Variants in RBX1 observed in about 807,000 individuals in gnomAD.
The protein encoded by RBX1 is E3 ubiquitin-protein ligase RBX1.
For synonymous variants in RBX1, 48 were observed against 47.9 expected, an observed-to-expected ratio of 1.00 and a Z score of -0.01; for missense variants, 46 against 141.4, an observed-to-expected ratio of 0.33 and a Z score of 3.42.
Position 40,951,436 on chromosome 22 carries a change from C to A in RBX1, c.38C>A (p.Thr13Asn). The change falls in exon 1 of 5, where the codon ACC becomes AAC. Residue 13 changes from threonine to asparagine, a missense_variant. Physicochemically the swap from Thr to Asn is moderately conservative, Grantham distance 65. Coordinates refer to ENST00000216225, the MANE Select transcript of RBX1 (RefSeq NM_014248.4). ...AAMDVDTPSG[T>N]NSGAGKKRFE... The stretch of plus-strand genomic sequence containing the variant: ...ATGGATGTGGATACCCCGAGCGGCA[C>A]CAACAGCGGCGCGGGCAAGAAGCGC... 1 of 1,613,698 alleles carries A rather than the reference C, an allele frequency of 6.2e-7. No individual in the cohort carries two copies.
chr22:40,957,362 T>G (rs1036145940), intron 2 of RBX1, among the ~76,000 whole-genome samples: 3 of 151,248 alleles, frequency 2.0e-5, no homozygotes, highest in Non-Finnish European at 4.4e-5. Context: ...AAAGACACTC[T>G]TGGCCAGGTG....
At chr22:40,965,452 T>G (rs189017575) in intron 3 of RBX1, among the ~76,000 whole-genome samples, 25 of 151,844 alleles carry the variant, frequency 1.6e-4, no homozygotes, top group Admixed American at 1.6e-3. Context: ...TTTTTTGTTT[T>G]TTTTTTGAGA....
At chr22:40,965,827 G>A (rs922467787) in intron 3 of RBX1, among the ~76,000 whole-genome samples, 2 of 152,158 alleles carry the variant, frequency 1.3e-5, no homozygotes, top group African/African-American at 2.4e-5. Flanking sequence ...GGCCATGGGG[G>A]AGCTTTAATC....
intron 4 of RBX1, among the ~76,000 whole-genome samples, chr22:40,971,267 C>T (rs977303708): frequency 1.3e-5 from 2 of 152,148 alleles, no homozygotes; most frequent in African/African-American, 4.8e-5. Flanking sequence ...AAAACAAATT[C>T]TTCAGCTTTC....
rs1026103804 is a variant in RBX1, at chr22:40,964,586, G to C, written c.228+469G>C. On this transcript the variant is annotated intron_variant, in intron 3 of 4. Coordinates refer to ENST00000216225, the MANE Select transcript of RBX1 (RefSeq NM_014248.4). ...TTATTTTTTAACATGGCTTATGCCA[G>C]AAATGTTTTGTGTAGCTTTATTGGA... Among the ~76,000 whole-genome samples the C allele has an allele frequency of 2.0e-5, 3 of 152,242 alleles. No homozygotes were observed. The East Asian group carries it at 5.8e-4, about 29-fold the overall frequency.
intron 3 of RBX1, among the ~76,000 whole-genome samples, chr22:40,965,467 G>A (rs1388443012): frequency 6.7e-6 from 1 of 148,748 alleles, no homozygotes; most frequent in African/African-American, 2.5e-5. Flanking sequence ...TTGAGACGGA[G>A]TCTCACTATG....
chr22:40,964,849 T>C (rs1405022958), intron 3 of RBX1, among the ~76,000 whole-genome samples: 1 of 152,196 alleles, frequency 6.6e-6, no homozygotes, highest in Non-Finnish European at 1.5e-5. Flanking sequence ...ACTTACTTGC[T>C]AAGTGACGTT....
intron 3 of RBX1, among the ~76,000 whole-genome samples, chr22:40,965,295 T>G (rs1208475653): frequency 6.6e-6 from 1 of 151,118 alleles, no homozygotes; most frequent in Non-Finnish European, 1.5e-5. Context: ...AAAGTGAGAC[T>G]CTGTCTCAAA....
chr22:40,960,007 A>G (rs2058335610), intron 2 of RBX1, among the ~76,000 whole-genome samples: 1 of 152,052 alleles, frequency 6.6e-6, no homozygotes, highest in Non-Finnish European at 1.5e-5. Flanking sequence ...AATCCCTGCT[A>G]CTTGGGAGGC....
intron 3 of RBX1, among the ~76,000 whole-genome samples, chr22:40,965,096 A>G (rs2058350599): frequency 6.6e-6 from 1 of 152,156 alleles, no homozygotes; most frequent in African/African-American, 2.4e-5. Flanking sequence ...TGAGGTCAGC[A>G]GATGGAGACA....
At chr22:40,970,599 T>C (rs1347355155) in intron 4 of RBX1, among the ~76,000 whole-genome samples, 2 of 152,218 alleles carry the variant, frequency 1.3e-5, no homozygotes, top group Non-Finnish European at 2.9e-5. Flanking sequence ...TTTATATCTC[T>C]TACGCTTTTC....
intron 3 of RBX1, chr22:40,966,469 A>C (rs1165139430): frequency 1.3e-5 from 2 of 152,194 alleles, no homozygotes; most frequent in Non-Finnish European, 2.9e-5. Flanking sequence ...CCTGATGGTT[A>C]AGAAAAATGT....
chr22:40,964,375 A>G, intron 3 of RBX1: 2 of 344,550 alleles, frequency 5.8e-6, no homozygotes, highest in South Asian at 3.4e-5. Flanking sequence ...TTGGGGCTTC[A>G]TCTATGGGAA....
At chr22:40,954,007 C>T (rs1025377748) in intron 2 of RBX1, among the ~76,000 whole-genome samples, 3 of 152,148 alleles carry the variant, frequency 2.0e-5, no homozygotes, top group Non-Finnish European at 4.4e-5. Flanking sequence ...CGCAGTGGCT[C>T]ATGCTTGTAA....
intron 2 of RBX1, among the ~76,000 whole-genome samples, chr22:40,962,841 C>T (rs1001902526): frequency 1.3e-5 from 2 of 150,882 alleles, no homozygotes; most frequent in African/African-American, 2.4e-5. Flanking sequence ...TACAGGCACC[C>T]GCCACCACGC....
At chr22:40,956,718 G>A (rs759572002) in intron 2 of RBX1, among the ~76,000 whole-genome samples, 31 of 149,856 alleles carry the variant, frequency 2.1e-4, no homozygotes, top group Non-Finnish European at 3.6e-4. Context: ...CACCATGTCC[G>A]ACCTCAAGTC....
chr22:40,963,438 C>A (rs1331608836), intron 2 of RBX1, among the ~76,000 whole-genome samples: 1 of 151,896 alleles, frequency 6.6e-6, no homozygotes, highest in Non-Finnish European at 1.5e-5. Flanking sequence ...GAGTTTGAGA[C>A]CAGCCTGGCC....
intron 4 of RBX1, among the ~76,000 whole-genome samples, chr22:40,970,231 A>C (rs2058365302): frequency 6.6e-6 from 1 of 151,732 alleles, no homozygotes; most frequent in African/African-American, 2.4e-5. Flanking sequence ...TGGTGCCTAT[A>C]ATCCCAGCTA....
At position 40,967,782 on chromosome 22, in the gene RBX1, T is replaced by G; in HGVS notation, c.229-17T>G. The stretch of plus-strand genomic sequence containing the variant: ...CTGCATAGAGTTATTTTTAATAAAA[T>G]ATATGTTTTCTTTCAGCATGCTTTT... On this transcript the variant is annotated splice_polypyrimidine_tract_variant and intron_variant, in intron 3 of 4. Coordinates refer to ENST00000216225, the MANE Select transcript of RBX1 (RefSeq NM_014248.4). 6.2e-7 allele frequency: 1 copy of G among 1,608,258 alleles called. No individual in the cohort carries two copies. Among genetic ancestry groups the G allele is most frequent in the African/African-American group, 1.3e-5 (1 of 74,912 alleles).
Sources: allele counts gnomAD v4.1 joint callset (sites outside exome capture counted in the v4.1 genomes callset), GRCh38; gene constraint gnomAD v4.1.1; transcripts MANE v1.5; gene names NCBI Gene and HGNC (gene_info 2026-07-23, HGNC 2026-07-21).